The following PGCKA1 variants were observed in gnomAD, a reference collection of about 807,000 sequenced individuals.
The protein encoded by PGCKA1 is PDCD10 and GCKIII kinases associated 1.
At chr4:37,532,756 A>G in the PGCKA1 span, among the ~76,000 whole-genome samples, 1 of 152,210 alleles carries the variant, frequency 6.6e-6, no homozygotes, top group Non-Finnish European at 1.5e-5. Context: ...TTAAAAAGAG[A>G]AGCTAAAAAG....
chr4:37,572,133 G>A, the PGCKA1 span, among the ~76,000 whole-genome samples: 1 of 144,682 alleles, frequency 6.9e-6, no homozygotes, highest in African/African-American at 2.6e-5. Flanking sequence ...CGGGATCTCG[G>A]CTCACTGCAA....
At chr4:37,455,778 C>T in the PGCKA1 span, among the ~76,000 whole-genome samples, 1 of 152,172 alleles carries the variant, frequency 6.6e-6, no homozygotes. Context: ...GGCCAGAATC[C>T]ATTTGCAGCC....
chr4:37,461,088 A>G, the PGCKA1 span: 1 of 197,496 alleles, frequency 5.1e-6, no homozygotes, highest in Non-Finnish European at 1.0e-5. Flanking sequence ...CATATTAAAT[A>G]GGGAATTCTT....
chr4:37,571,694 C>A, the PGCKA1 span, among the ~76,000 whole-genome samples: 1 of 152,034 alleles, frequency 6.6e-6, no homozygotes, highest in South Asian at 2.1e-4. Context: ...CCCGCCACCA[C>A]GCCTGGCTAA....
chr4:37,465,706 A>C, the PGCKA1 span, among the ~76,000 whole-genome samples: 2 of 152,286 alleles, frequency 1.3e-5, no homozygotes, highest in Non-Finnish European at 2.9e-5. Flanking sequence ...GTGAGGATAA[A>C]GAAACCATCC....
the PGCKA1 span, among the ~76,000 whole-genome samples, chr4:37,558,323 C>G: frequency 6.6e-6 from 1 of 152,062 alleles, no homozygotes; most frequent in Non-Finnish European, 1.5e-5. Context: ...CATGGTTCAA[C>G]CAAGTCTCCA....
At chr4:37,537,159 C>T in the PGCKA1 span, among the ~76,000 whole-genome samples, 2 of 152,234 alleles carry the variant, frequency 1.3e-5, no homozygotes, top group Non-Finnish European at 2.9e-5. Flanking sequence ...TACTTAAGGA[C>T]TCACAGAGAG....
At chr4:37,572,073 T>TC in the PGCKA1 span, among the ~76,000 whole-genome samples, 29,456 of 134,452 alleles carry the variant, frequency 0.22, 2,896 homozygotes, top group Non-Finnish European at 0.25. Flanking sequence ...CTTTTTTTTT[T>TC]TTTTTTTGAG....
chr4:37,479,585 G>A, the PGCKA1 span, among the ~76,000 whole-genome samples: 1 of 152,182 alleles, frequency 6.6e-6, no homozygotes, highest in Non-Finnish European at 1.5e-5. Context: ...AGTAAAGGAA[G>A]ATTTATCTGA....
chr4:37,589,883 T>C, the PGCKA1 span, among the ~76,000 whole-genome samples: 1 of 152,228 alleles, frequency 6.6e-6, no homozygotes, highest in Non-Finnish European at 1.5e-5. Flanking sequence ...CCACCCGCCT[T>C]GGCCACCCAA....
the PGCKA1 span, among the ~76,000 whole-genome samples, chr4:37,483,366 A>G: frequency 1.3e-5 from 2 of 152,118 alleles, no homozygotes; most frequent in Non-Finnish European, 2.9e-5. Flanking sequence ...CAACATATGA[A>G]TTTTGTGGGG....
chr4:37,505,698 A>G, the PGCKA1 span, among the ~76,000 whole-genome samples: 5 of 152,206 alleles, frequency 3.3e-5, no homozygotes, highest in African/African-American at 1.2e-4. Flanking sequence ...CTGTCATGAG[A>G]ACAGCATGGG....
chr4:37,566,728 G>A, the PGCKA1 span, among the ~76,000 whole-genome samples: 1 of 151,990 alleles, frequency 6.6e-6, no homozygotes, highest in Non-Finnish European at 1.5e-5. Context: ...GACTACAGGT[G>A]CACCACCACA....
the PGCKA1 span, among the ~76,000 whole-genome samples, chr4:37,533,763 T>G: frequency 6.6e-6 from 1 of 152,254 alleles, no homozygotes; most frequent in African/African-American, 2.4e-5. Context: ...TATATTTGAC[T>G]CATATTTGAA....
the PGCKA1 span, among the ~76,000 whole-genome samples, chr4:37,563,969 C>A: frequency 6.6e-6 from 1 of 151,996 alleles, no homozygotes; most frequent in African/African-American, 2.4e-5. Flanking sequence ...GAACTAGCAC[C>A]CAATGGTTAA....
chr4:37,510,604 G>A, the PGCKA1 span, among the ~76,000 whole-genome samples: 9 of 151,036 alleles, frequency 6.0e-5, no homozygotes, highest in South Asian at 6.4e-4. Context: ...GCTGAAGATG[G>A]TGTGACACAG....
At chr4:37,493,665 C>A in the PGCKA1 span, among the ~76,000 whole-genome samples, 1 of 152,112 alleles carries the variant, frequency 6.6e-6, no homozygotes, top group East Asian at 1.9e-4. Context: ...CTTATTTGTT[C>A]TTTTTAATGA....
the PGCKA1 span, among the ~76,000 whole-genome samples, chr4:37,553,914 A>C: frequency 2.6e-5 from 4 of 152,224 alleles, no homozygotes; most frequent in Non-Finnish European, 4.4e-5. Context: ...ACATTGTATA[A>C]ATGAATTATG....
chr4:37,586,979 G>C, the PGCKA1 span, among the ~76,000 whole-genome samples: 1 of 152,160 alleles, frequency 6.6e-6, no homozygotes, highest in Non-Finnish European at 1.5e-5. Context: ...CCAGAAGTCT[G>C]AAATTGGTAT....
Sources: allele counts gnomAD v4.1 joint callset (sites outside exome capture counted in the v4.1 genomes callset), GRCh38; gene constraint gnomAD v4.1.1; transcripts MANE v1.5; gene names NCBI Gene and HGNC (gene_info 2026-07-23, HGNC 2026-07-21).